The following ADCY9 variants were observed in gnomAD, a reference collection of about 807,000 sequenced individuals.
ADCY9 encodes the protein adenylate cyclase type 9.
ADCY9 carries 50 observed loss-of-function variants against 101.5 expected under a neutral mutation model. That is an observed-to-expected ratio of 0.49 (90% CI 0.39 to 0.62). The LOEUF (loss-of-function observed/expected upper bound fraction) is 0.62. Ranked by LOEUF, ADCY9 falls within the 20% of genes least tolerant of loss-of-function variation. The pLI is 0.00. For synonymous variants in ADCY9, 905 were observed against 769.3 expected, an observed-to-expected ratio of 1.18 and a Z score of -2.92; for missense variants, 1,662 against 1,800.4, an observed-to-expected ratio of 0.92 and a Z score of 1.39.
chr16:4,002,285 G>A (rs1283251870), intron 3 of ADCY9, among the ~76,000 whole-genome samples: 6 of 151,964 alleles, frequency 3.9e-5, no homozygotes, highest in South Asian at 2.1e-4. Flanking sequence ...TTTCTATAAC[G>A]AATGAAAAGC....
intron 5 of ADCY9, among the ~76,000 whole-genome samples, chr16:3,954,422 T>C (rs899079570): frequency 6.6e-6 from 1 of 152,034 alleles, no homozygotes; most frequent in East Asian, 1.9e-4. Flanking sequence ...CAGGAGCGAA[T>C]GGATGAAGTT....
chr16:4,056,578 G>A (rs143864944), intron 2 of ADCY9, among the ~76,000 whole-genome samples: 58 of 152,126 alleles, frequency 3.8e-4, no homozygotes, highest in African/African-American at 1.3e-3. Flanking sequence ...AGGGGCTTTC[G>A]TCCTCCTAGG....
At chr16:4,022,655 C>T (rs1182373329) in intron 2 of ADCY9, among the ~76,000 whole-genome samples, 3 of 151,016 alleles carry the variant, frequency 2.0e-5, no homozygotes, top group East Asian at 4.0e-4. Flanking sequence ...TAGGCCAGAG[C>T]CAGTGGCTCA....
chr16:4,060,749 G>A (rs74005711), intron 2 of ADCY9, among the ~76,000 whole-genome samples: 1,974 of 152,248 alleles, frequency 0.013, 32 homozygotes, highest in African/African-American at 0.044. Flanking sequence ...TGCCAAAGGT[G>A]ATCATAATCC....
At chr16:4,049,973 G>GT (rs2056690253) in intron 2 of ADCY9, among the ~76,000 whole-genome samples, 2 of 150,674 alleles carry the variant, frequency 1.3e-5, no homozygotes, top group Non-Finnish European at 3.0e-5. Flanking sequence ...AGTGGCTGCA[G>GT]TGAGCCGAGA....
intron 2 of ADCY9, among the ~76,000 whole-genome samples, chr16:4,014,604 T>C (rs1164439247): frequency 2.0e-5 from 3 of 151,812 alleles, no homozygotes; most frequent in Non-Finnish European, 2.9e-5. Context: ...TGTGCCACCA[T>C]GCCTGGCTAA....
At chr16:3,961,724 C>A (rs555622756), downstream of ADCY9, among the ~76,000 whole-genome samples, 6 of 152,066 alleles carry the variant, frequency 3.9e-5, no homozygotes, top group East Asian at 7.8e-4. Context: ...TGAAGTTGGT[C>A]ATAAATACTT....
intron 2 of ADCY9, among the ~76,000 whole-genome samples, chr16:4,095,609 A>T (rs2056998768): frequency 6.6e-6 from 1 of 152,118 alleles, no homozygotes; most frequent in Non-Finnish European, 1.5e-5. Context: ...GAAGCACATT[A>T]AAAAAATAAT....
In ADCY9 at chr16:3,977,647, G is replaced by A; in HGVS notation, c.2680-17C>T. ...CACTGGGAACTGCAAGAGGCGAAGG[G>A]TTAGGACAGCCGCCCAGGGCCACCC... On this transcript the variant is annotated splice_polypyrimidine_tract_variant and intron_variant, in intron 8 of 10. Transcript: ENST00000294016. 1.2e-6 allele frequency: 2 copies of A among 1,603,712 alleles called. No individual in the cohort carries two copies. The highest frequency in any genetic ancestry group is 1.7e-6 in the Non-Finnish European group (2 of 1,172,498).
At position 3,966,919 on chromosome 16, in the gene ADCY9, C is replaced by T. The variant is rs763906715; in HGVS notation, c.2918G>A (p.Arg973Gln). The change falls in exon 11 of 11, where the codon CGG (arginine) becomes CAG (glutamine). Residue 973 changes from arginine to glutamine, a missense_variant. Physicochemically the swap from Arg to Gln is conservative, Grantham distance 43. Around this residue, in one of 5 missense-constraint regions of ADCY9, gnomAD observed 624 missense variants for 639.1 expected, o/e 0.98. Coordinates refer to ENST00000294016, the MANE Select transcript of ADCY9 (RefSeq NM_001116.4). ...CTCCTGGCCGATGAGGCTGGCGGGC[C>T]GCCGGAGGTCACGCGGCACCGAACT... ...CNSSVPRDLRRPASLIGQEVV... is the reference protein window; with the variant it reads ...CNSSVPRDLRQPASLIGQEVV... 3.2e-5 allele frequency: 51 copies of T among 1,613,846 alleles called. No individual in the cohort carries two copies. Among genetic ancestry groups the T allele is most frequent in the Non-Finnish European group, 4.1e-5 (48 of 1,180,034 alleles).
At chr16:4,089,660 T>G (rs2056961110) in intron 2 of ADCY9, among the ~76,000 whole-genome samples, 1 of 152,030 alleles carries the variant, frequency 6.6e-6, no homozygotes, top group Non-Finnish European at 1.5e-5. Context: ...GACTGTCTTC[T>G]GCAGCAAGTG....
chr16:4,029,034 C>T (rs372630793), intron 2 of ADCY9, among the ~76,000 whole-genome samples: 2 of 152,110 alleles, frequency 1.3e-5, no homozygotes, highest in African/African-American at 2.4e-5. Flanking sequence ...CCACCCTCCT[C>T]GGCCTCCCAA....
intron 3 of ADCY9, among the ~76,000 whole-genome samples, chr16:3,998,325 C>T (rs569297843): frequency 3.3e-5 from 5 of 151,716 alleles, no homozygotes; most frequent in Non-Finnish European, 7.4e-5. Flanking sequence ...GTGGGAGGGT[C>T]GCTTGAGCCC....
chr16:4,044,888 A>C (rs1326007540), intron 2 of ADCY9, among the ~76,000 whole-genome samples: 1 of 152,048 alleles, frequency 6.6e-6, no homozygotes, highest in Admixed American at 6.6e-5. Context: ...CCCCAGACCA[A>C]CAATCCACTT....
At chr16:4,045,911 T>C (rs1326310432) in intron 2 of ADCY9, among the ~76,000 whole-genome samples, 1 of 148,808 alleles carries the variant, frequency 6.7e-6, no homozygotes, top group Non-Finnish European at 1.5e-5. Context: ...GGTTTCATCA[T>C]GTTGCCCAGG....
chr16:4,093,259 T>C (rs1326856785), intron 2 of ADCY9, among the ~76,000 whole-genome samples: 4 of 152,230 alleles, frequency 2.6e-5, no homozygotes, highest in Non-Finnish European at 4.4e-5. Context: ...TCTAACAACA[T>C]GGCAAATGAG....
At chr16:4,033,833 G>A (rs2141757057) in intron 2 of ADCY9, among the ~76,000 whole-genome samples, 1 of 152,318 alleles carries the variant, frequency 6.6e-6, no homozygotes, top group South Asian at 2.1e-4. Flanking sequence ...CAGTTTCTGA[G>A]TCTGACAGAT....
At chr16:4,016,057 T>A (rs1048709467) in intron 2 of ADCY9, among the ~76,000 whole-genome samples, 6 of 152,090 alleles carry the variant, frequency 3.9e-5, no homozygotes, top group Admixed American at 3.3e-4. Flanking sequence ...ATGAGTTGAT[T>A]CAGGTAAACA....
At chr16:3,983,128 G>A in intron 7 of ADCY9, 104 bp downstream of exon 7, 2 of 1,084,716 alleles carry the variant, frequency 1.8e-6, no homozygotes, top group East Asian at 2.6e-5. Context: ...CAGCCAGCAG[G>A]GACAGCTGGC....
Sources: gnomAD v4.1 joint callset for allele counts (sites outside exome capture counted in the v4.1 genomes callset) on GRCh38, gnomAD v4.1.1 for gene constraint, gnomAD v4.1.1 regional missense constraint, MANE v1.5 for transcripts, NCBI Gene and HGNC (gene_info 2026-07-23, HGNC 2026-07-21) for gene names.